SPTSSB: variants seen among roughly 807,000 people sequenced by gnomAD.
The protein encoded by SPTSSB is serine palmitoyltransferase small subunit B, also known as androgen down regulated in mouse prostate.
In SPTSSB, 6 loss-of-function variants were observed where a neutral mutation model predicts 7.7. The observed-to-expected ratio is 0.78, with a 90% CI of 0.43 to 1.54. The LOEUF is 1.54. Ranked by LOEUF, SPTSSB falls within the 40% of genes most tolerant of loss-of-function variation. SPTSSB has a pLI of 0.01. For missense variants in SPTSSB, 91 were observed against 93.0 expected (o/e 0.98, Z 0.09); for synonymous variants, 28 against 29.7 (o/e 0.94, Z 0.19).
intron 2 of SPTSSB, among the ~76,000 whole-genome samples, chr3:161,357,753 G>A (rs1044333711): frequency 6.6e-6 from 1 of 152,004 alleles, no homozygotes; most frequent in African/African-American, 2.4e-5. Context: ...TGTGAAGACA[G>A]GCGAGATCAG....
chr3:161,356,216 A>G (rs533463543), intron 2 of SPTSSB, among the ~76,000 whole-genome samples: 11 of 152,196 alleles, frequency 7.2e-5, no homozygotes, highest in Non-Finnish European at 1.6e-4. Context: ...TTAATCTTCT[A>G]CAGTACTTGT....
At chr3:161,363,129 G>A (rs957062420) in intron 1 of SPTSSB, among the ~76,000 whole-genome samples, 3 of 151,480 alleles carry the variant, frequency 2.0e-5, no homozygotes, top group Admixed American at 2.0e-4. Context: ...CCATTATGTT[G>A]GTTCCATTAT....
chr3:161,348,389 GC>G (rs1237104306), intron 2 of SPTSSB, among the ~76,000 whole-genome samples: 19 of 152,172 alleles, frequency 1.2e-4, no homozygotes, highest in African/African-American at 4.3e-4. Flanking sequence ...GGCAGCCCTA[GC>G]CAACACCTTA....
At chr3:161,359,713 G>T in intron 2 of SPTSSB, 89 bp downstream of exon 2, 2 of 984,710 alleles carry the variant, frequency 2.0e-6, no homozygotes, top group Admixed American at 6.1e-5. Context: ...GCTTAGGAGA[G>T]AACTAGATGT....
Position 161,370,242 on chromosome 3 carries a change from T to C in SPTSSB, c.-126+1193A>G, listed in dbSNP as rs554078401. On this transcript the variant is annotated intron_variant, in intron 1 of 2. Coordinates refer to ENST00000620149, the MANE Select transcript of SPTSSB (RefSeq NM_001040100.2). Reference sequence around the variant, plus strand: ...ATGAGAGTTGAGGACTGGTTGATTTTCAACTTCAAATCGACTTTCAACTTC... The same window carrying C: ...ATGAGAGTTGAGGACTGGTTGATTTCCAACTTCAAATCGACTTTCAACTTC... 9.2e-5 allele frequency among the ~76,000 whole-genome samples: 14 copies of C among 152,350 alleles called. No homozygotes were observed. The South Asian group carries it at 2.7e-3, about 29-fold the overall frequency.
At chr3:161,364,822 G>C (rs1295883235) in intron 1 of SPTSSB, among the ~76,000 whole-genome samples, 1 of 152,142 alleles carries the variant, frequency 6.6e-6, no homozygotes, top group African/African-American at 2.4e-5. Flanking sequence ...GGGAATGTAA[G>C]TGTGGTATTA....
intron 1 of SPTSSB, among the ~76,000 whole-genome samples, chr3:161,369,304 TTCTTTCTTTC>T (rs760039009): frequency 0.039 from 2,669 of 68,758 alleles, 111 homozygotes; most frequent in African/African-American, 0.11. Flanking sequence ...CTTTCTTTCT[TTCTTTCTTTC>T]TCTTTCTTTC....
intron 2 of SPTSSB, among the ~76,000 whole-genome samples, chr3:161,349,144 C>T (rs567451674): frequency 2.1e-4 from 32 of 152,190 alleles, no homozygotes; most frequent in South Asian, 1.5e-3. Context: ...TTAATGGCTT[C>T]GGAAAGACTT....
chr3:161,364,676 T>A (rs1180135203), intron 1 of SPTSSB, among the ~76,000 whole-genome samples: 1 of 151,166 alleles, frequency 6.6e-6, no homozygotes, highest in Non-Finnish European at 1.5e-5. Context: ...CATATATATA[T>A]AATATATATT....
intron 1 of SPTSSB, among the ~76,000 whole-genome samples, chr3:161,363,697 A>G (rs1018594427): frequency 2.0e-5 from 3 of 152,108 alleles, no homozygotes; most frequent in African/African-American, 7.2e-5. Flanking sequence ...ATTGTAGTCA[A>G]AGTATGTATT....
chr3:161,371,467 G>T lies in SPTSSB; in HGVS notation c.-158C>A. The T allele has an allele frequency of 1.0e-6, 1 of 985,524 alleles. No individual in the cohort carries two copies. Among genetic ancestry groups the T allele is most frequent in the Non-Finnish European group, 1.2e-6 (1 of 829,998 alleles). 61.0% of individuals were successfully genotyped at this position (985,524 alleles called of 1,614,324 possible). On this transcript the variant is annotated 5_prime_UTR_variant, in exon 1 of 3. Transcript: ENST00000620149. ...TTGGGTGTATCTCCCTGCGGCTTAG[G>T]TGAGCGCCGAGGCTTTGGCTCCTCC...
intron 1 of SPTSSB, among the ~76,000 whole-genome samples, chr3:161,369,271 TTTC>T (rs1427206394): frequency 1.3e-5 from 2 of 149,094 alleles, no homozygotes; most frequent in Non-Finnish European, 3.0e-5. Flanking sequence ...TCTCTTTCTT[TTTC>T]TTCTTTCTTT....
Position 161,361,160 on chromosome 3 carries a change from G to T in SPTSSB, c.-125-1266C>A, listed in dbSNP as rs1462939088. Among the ~76,000 whole-genome samples the T allele has an allele frequency of 2.6e-5, 4 of 152,234 alleles. No homozygotes were observed. The East Asian group carries it at 5.8e-4, about 22-fold the overall frequency. On this transcript the variant is annotated intron_variant, in intron 1 of 2. Transcript: ENST00000620149. The stretch of plus-strand genomic sequence containing the variant: ...ATGGAAGTCTTAAAAGATCTAAAAG[G>T]TATTAAAGGGTGTTATAGGCTGACA...
intron 1 of SPTSSB, among the ~76,000 whole-genome samples, chr3:161,370,440 G>A (rs1715458917): frequency 6.6e-6 from 1 of 152,190 alleles, no homozygotes; most frequent in African/African-American, 2.4e-5. Flanking sequence ...CACAGCCCTT[G>A]AGAAAGTCAC....
chr3:161,357,968 G>A (rs995999653), intron 2 of SPTSSB, among the ~76,000 whole-genome samples: 2 of 151,950 alleles, frequency 1.3e-5, no homozygotes, highest in South Asian at 4.1e-4. Flanking sequence ...AGAGCCCTAG[G>A]AAGCAAATAC....
chr3:161,355,771 T>C (rs1489176926), intron 2 of SPTSSB, among the ~76,000 whole-genome samples: 2 of 152,194 alleles, frequency 1.3e-5, no homozygotes, highest in Non-Finnish European at 2.9e-5. Flanking sequence ...AAGAACAATG[T>C]AAATATACTT....
chr3:161,355,845 A>C (rs912092416), intron 2 of SPTSSB, among the ~76,000 whole-genome samples: 1 of 152,242 alleles, frequency 6.6e-6, no homozygotes, highest in African/African-American at 2.4e-5. Flanking sequence ...AGTTTACCAC[A>C]ATTAAACATT....
rs1714143784 is a variant in SPTSSB at position 161,345,007 on chromosome 3, C to G, written c.*1086G>C. 1 of 152,512 alleles carries G rather than the reference C, an allele frequency of 6.6e-6. No homozygotes were observed. Among genetic ancestry groups the G allele is most frequent in the Admixed American group, 6.5e-5 (1 of 15,268 alleles). The allele number at this position is 152,512 out of a possible 1,614,324, so 9.4% of individuals were successfully genotyped here. A position where few individuals can be genotyped will look rare whatever the true frequency, so the allele number is the denominator to read the frequency against. On this transcript the variant is annotated 3_prime_UTR_variant, in exon 3 of 3. Coordinates refer to ENST00000620149, the MANE Select transcript of SPTSSB (RefSeq NM_001040100.2). ...GTCCAAACCTATTTACATTTTTACC[C>G]TCTAGAATTACATACATTAATATTT...
chr3:161,361,117 TG>T (rs1224057022), intron 1 of SPTSSB, among the ~76,000 whole-genome samples: 1 of 152,032 alleles, frequency 6.6e-6, no homozygotes, highest in East Asian at 1.9e-4. Context: ...AGAGAAGATT[TG>T]GGGGGAGGAA....
Sources: allele counts gnomAD v4.1 joint callset (sites outside exome capture counted in the v4.1 genomes callset), GRCh38; gene constraint gnomAD v4.1.1; transcripts MANE v1.5; gene names NCBI Gene and HGNC (gene_info 2026-07-23, HGNC 2026-07-21).